Variants in MACROD2 observed in about 807,000 individuals in gnomAD.
MACROD2 encodes the protein ADP-ribose glycohydrolase MACROD2.
MACROD2 carries 36 observed loss-of-function variants against 70.4 expected under a neutral mutation model. That is an observed-to-expected ratio of 0.51 (90% CI 0.39 to 0.68). The LOEUF is 0.68. MACROD2 is among the 30% of genes least tolerant of loss of function. The pLI is 0.00. For missense variants in MACROD2, 496 were observed against 538.4 expected, an observed-to-expected ratio of 0.92 and a Z score of 0.78; for synonymous variants, 172 against 178.8, an observed-to-expected ratio of 0.96 and a Z score of 0.30.
Position 16,051,755 on chromosome 20 carries a change from A to G in MACROD2, c.*1879A>G, listed in dbSNP as rs1306339145. On this transcript the variant is annotated 3_prime_UTR_variant, in exon 18 of 18. Transcript: ENST00000684519. ...AAAGTTGCCGTCATTCTTGTGAAGT[A>G]TTTGACAAGTGCAATCTGCTAGAAG... is the stretch of plus-strand genomic sequence containing the variant. 6.6e-6 allele frequency: 1 copy of G among 152,214 alleles called. No homozygotes were observed. Among genetic ancestry groups the G allele is most frequent in the Admixed American group, 6.5e-5 (1 of 15,278 alleles). The allele number at this position is 152,214 out of a possible 1,614,324, so 9.4% of individuals were successfully genotyped here.
At chr20:14,276,789 A>G (rs2082262226) in intron 3 of MACROD2, among the ~76,000 whole-genome samples, 1 of 152,138 alleles carries the variant, frequency 6.6e-6, no homozygotes, top group South Asian at 2.1e-4. Flanking sequence ...GATATCTGAC[A>G]TCTGACATGT....
chr20:15,386,307 C>T (rs113904964), intron 6 of MACROD2, among the ~76,000 whole-genome samples: 2,236 of 152,206 alleles, frequency 0.015, 51 homozygotes, highest in African/African-American at 0.05. Context: ...AGCTCGTTTT[C>T]GTCTATATTC....
chr20:14,599,650 G>A (rs1349535601), intron 4 of MACROD2, among the ~76,000 whole-genome samples: 2 of 152,172 alleles, frequency 1.3e-5, no homozygotes, highest in Non-Finnish European at 2.9e-5. Flanking sequence ...GGCTTAGAAG[G>A]TAGAGAGATT....
chr20:15,144,914 C>A (rs527930668), intron 5 of MACROD2, among the ~76,000 whole-genome samples: 4 of 152,112 alleles, frequency 2.6e-5, no homozygotes, highest in African/African-American at 4.8e-5. Context: ...ACCATACTTA[C>A]TATAGTACTT....
chr20:15,549,966 G>A (rs965879364), intron 8 of MACROD2, among the ~76,000 whole-genome samples: 2 of 151,726 alleles, frequency 1.3e-5, no homozygotes, highest in Admixed American at 6.6e-5. Context: ...TCTTATATAA[G>A]CACAAGAGCA....
chr20:15,884,777 G>A (rs1323632835), intron 9 of MACROD2, among the ~76,000 whole-genome samples: 1 of 152,102 alleles, frequency 6.6e-6, no homozygotes, highest in Non-Finnish European at 1.5e-5. Context: ...CATAGACTCA[G>A]TGGCTTACAA....
chr20:15,882,596 C>T (rs952319646), intron 9 of MACROD2, among the ~76,000 whole-genome samples: 1 of 151,940 alleles, frequency 6.6e-6, no homozygotes, highest in South Asian at 2.1e-4. Flanking sequence ...TTGGGAGAGA[C>T]AAGGGATTGA....
Position 15,867,325 on chromosome 20 carries a change from G to A in MACROD2, c.727+4499G>A, listed in dbSNP as rs144031222. Among the ~76,000 whole-genome samples the A allele has an allele frequency of 9.7e-4, 148 of 152,284 alleles. 1 individual carries two copies. Among genetic ancestry groups the A allele is most frequent in the African/African-American group, 3.2e-3 (134 of 41,560 alleles). On this transcript the variant is annotated intron_variant, in intron 9 of 17. Transcript: ENST00000684519. ...TAAGCCCATAAAATTGCCCCTTGTA[G>A]AAATGCTTTAAGAAACTCCAGGGAA...
Position 14,205,876 on chromosome 20 carries a change from G to A in MACROD2, c.271+120148G>A, listed in dbSNP as rs536971860. 1.3e-4 allele frequency among the ~76,000 whole-genome samples: 20 copies of A among 152,278 alleles called. No individual in the cohort carries two copies. In the East Asian group the frequency reaches 3.9e-3, roughly 29 times the overall value. The stretch of plus-strand genomic sequence containing the variant: ...GATCCAATAGTTAAATAGATACAAA[G>A]CCTTCTAATTCTTTTATTATTGAGC... On this transcript the variant is annotated intron_variant, in intron 3 of 17. Coordinates refer to ENST00000684519, the MANE Select transcript of MACROD2 (RefSeq NM_001351661.2).
intron 5 of MACROD2, among the ~76,000 whole-genome samples, chr20:15,073,315 C>T (rs1478615148): frequency 6.6e-6 from 1 of 152,056 alleles, no homozygotes; most frequent in East Asian, 1.9e-4. Flanking sequence ...ATAAAAAAAT[C>T]CCATACCTCA....
intron 10 of MACROD2, among the ~76,000 whole-genome samples, chr20:15,886,100 T>C (rs2064818805): frequency 6.6e-6 from 1 of 152,154 alleles, no homozygotes; most frequent in Non-Finnish European, 1.5e-5. Flanking sequence ...TAGAGTAAGC[T>C]GAAAACAACC....
chr20:15,539,741 A>G (rs6043352), intron 8 of MACROD2, among the ~76,000 whole-genome samples: 19,101 of 152,212 alleles, frequency 0.13, 1,355 homozygotes, highest in East Asian at 0.29. Context: ...TTATCCCAGC[A>G]CTTTGGGAGG....
At chr20:14,691,634 A>T (rs1159823455) in intron 5 of MACROD2, among the ~76,000 whole-genome samples, 1 of 152,170 alleles carries the variant, frequency 6.6e-6, no homozygotes, top group Non-Finnish European at 1.5e-5. Flanking sequence ...TTTCTAGAGC[A>T]GGTAATTCAT....
intron 4 of MACROD2, among the ~76,000 whole-genome samples, chr20:14,534,163 C>G (rs2085337897): frequency 6.6e-6 from 1 of 152,116 alleles, no homozygotes; most frequent in Non-Finnish European, 1.5e-5. Flanking sequence ...CTGTGAAAGC[C>G]TAAAACACAG....
chr20:14,035,115 G>A (rs1030060117), intron 2 of MACROD2, among the ~76,000 whole-genome samples: 1 of 152,126 alleles, frequency 6.6e-6, no homozygotes, highest in African/African-American at 2.4e-5. Context: ...TTATTCATCA[G>A]TCTTTTAAGG....
chr20:14,568,643 T>A (rs1483491998), intron 4 of MACROD2, among the ~76,000 whole-genome samples: 1 of 152,048 alleles, frequency 6.6e-6, no homozygotes, highest in Non-Finnish European at 1.5e-5. Context: ...AAAAAAATTA[T>A]TATATGGGTT....
intron 4 of MACROD2, among the ~76,000 whole-genome samples, chr20:14,496,557 T>C (rs955308222): frequency 6.6e-6 from 1 of 152,200 alleles, no homozygotes; most frequent in Non-Finnish European, 1.5e-5. Context: ...TACATTGATG[T>C]GAATTTTCAT....
At chr20:14,319,120 A>G (rs2082637308) in intron 3 of MACROD2, among the ~76,000 whole-genome samples, 1 of 152,194 alleles carries the variant, frequency 6.6e-6, no homozygotes, top group Non-Finnish European at 1.5e-5. Context: ...TATTTTATAT[A>G]TGCATCACCT....
chr20:14,197,375 A>G (rs2081440978), intron 3 of MACROD2, among the ~76,000 whole-genome samples: 1 of 152,216 alleles, frequency 6.6e-6, no homozygotes, highest in Non-Finnish European at 1.5e-5. Flanking sequence ...TAGTCTTCCA[A>G]AAGGTATTAC....
Sources: gnomAD v4.1 joint callset for allele counts (sites outside exome capture counted in the v4.1 genomes callset) on GRCh38, gnomAD v4.1.1 for gene constraint, MANE v1.5 for transcripts, NCBI Gene and HGNC (gene_info 2026-07-23, HGNC 2026-07-21) for gene names.